Variants in ERC2 observed in about 807,000 individuals in gnomAD.
ERC2 encodes the protein ELKS/RAB6-interacting/CAST family member 2.
A neutral mutation model predicts 114.8 loss-of-function variants in ERC2; 42 were observed. The observed-to-expected ratio is 0.37, with a 90% CI of 0.29 to 0.47. The LOEUF (loss-of-function observed/expected upper bound fraction) is 0.47, where lower values mean the gene tolerates loss of function less well. Among genes scored for constraint, ERC2 ranks in the 20% least tolerant of loss-of-function variants. The pLI is 0.99. For synonymous variants in ERC2, 454 were observed against 425.5 expected (o/e 1.07, Z -0.82); for missense variants, 939 against 1,150.7 (o/e 0.82, Z 2.66).
intron 3 of ERC2, among the ~76,000 whole-genome samples, chr3:56,286,100 A>G (rs947135785): frequency 3.9e-5 from 6 of 152,314 alleles, no homozygotes; most frequent in East Asian, 1.9e-4. Flanking sequence ...GATCAAAACT[A>G]CAGATCTAAT....
intron 17 of ERC2, among the ~76,000 whole-genome samples, chr3:55,661,682 G>C (rs910438247): frequency 1.3e-5 from 2 of 152,176 alleles, no homozygotes; most frequent in African/African-American, 4.8e-5. Context: ...TCTTGGAAAG[G>C]CATCTTTAGA....
intron 17 of ERC2, among the ~76,000 whole-genome samples, chr3:55,619,986 T>G (rs1307403142): frequency 6.6e-6 from 1 of 152,190 alleles, no homozygotes; most frequent in Non-Finnish European, 1.5e-5. Context: ...TAAAGAAATT[T>G]CACTGACTTC....
At chr3:56,204,476 C>T (rs889758038) in intron 3 of ERC2, among the ~76,000 whole-genome samples, 1 of 132,926 alleles carries the variant, frequency 7.5e-6, no homozygotes, top group Middle Eastern at 3.6e-3. Flanking sequence ...TAATTAGATG[C>T]TTTTATTTTA....
intron 13 of ERC2, among the ~76,000 whole-genome samples, chr3:55,941,682 TA>T (rs1031562421): frequency 1.3e-5 from 2 of 152,246 alleles, no homozygotes; most frequent in Non-Finnish European, 2.9e-5. Context: ...TTGAATTTTC[TA>T]AAATATCCAC....
chr3:56,046,521 T>C (rs1043395667), intron 7 of ERC2, among the ~76,000 whole-genome samples: 1 of 152,212 alleles, frequency 6.6e-6, no homozygotes, highest in Admixed American at 6.5e-5. Context: ...CAGTTACTTA[T>C]GACAATCATA....
intron 3 of ERC2, among the ~76,000 whole-genome samples, chr3:56,211,655 C>G (rs1354541578): frequency 1.3e-5 from 2 of 151,914 alleles, no homozygotes; most frequent in African/African-American, 4.8e-5. Flanking sequence ...CAAGACTAAG[C>G]AAAAAGAACA....
intron 7 of ERC2, among the ~76,000 whole-genome samples, chr3:56,061,910 G>T (rs1446713678): frequency 1.3e-5 from 2 of 152,164 alleles, no homozygotes; most frequent in Non-Finnish European, 2.9e-5. Flanking sequence ...AAAATTAGCT[G>T]ATATACACGT....
chr3:55,942,543 C>A (rs1424650002), intron 13 of ERC2, among the ~76,000 whole-genome samples: 1 of 151,322 alleles, frequency 6.6e-6, no homozygotes, highest in African/African-American at 2.4e-5. Flanking sequence ...GTGATCCGCC[C>A]GCCTCGGCCT....
chr3:56,038,771 A>G (rs560946361), intron 7 of ERC2, among the ~76,000 whole-genome samples: 92 of 152,358 alleles, frequency 6.0e-4, no homozygotes, highest in African/African-American at 2.2e-3. Flanking sequence ...GAATAAGATC[A>G]TGTCCTTTGC....
chr3:55,514,360 C>T (rs997771993), intron 17 of ERC2, among the ~76,000 whole-genome samples: 3 of 152,098 alleles, frequency 2.0e-5, no homozygotes, highest in African/African-American at 7.2e-5. Context: ...TTGTGCCACT[C>T]CAGCCTGCCA....
chr3:56,425,555 T>A (rs1559484725), intron 2 of ERC2, among the ~76,000 whole-genome samples: 1 of 81,468 alleles, frequency 1.2e-5, no homozygotes, highest in African/African-American at 5.5e-5. Flanking sequence ...ACCCCGACCC[T>A]TTTTCTTTTT....
intron 7 of ERC2, among the ~76,000 whole-genome samples, chr3:56,032,909 A>G (rs866901799): frequency 2.3e-3 from 128 of 56,860 alleles, no homozygotes; most frequent in Middle Eastern, 6.4e-3. Context: ...GACAGAAAGA[A>G]AGAAAGAAAG....
chr3:55,568,055 C>T (rs1233988279), intron 17 of ERC2, among the ~76,000 whole-genome samples: 1 of 152,138 alleles, frequency 6.6e-6, no homozygotes, highest in East Asian at 1.9e-4. Flanking sequence ...CAGGGAGATG[C>T]TGTATATTAA....
At chr3:55,648,091 G>A (rs1192398757) in intron 17 of ERC2, among the ~76,000 whole-genome samples, 1 of 152,170 alleles carries the variant, frequency 6.6e-6, no homozygotes. Flanking sequence ...CTGAAGCTGG[G>A]GATAGGTTGG....
In ERC2 at chr3:56,085,216, G is replaced by A. The variant is rs571429578; in HGVS notation, c.1474-4232C>T. On this transcript the variant is annotated intron_variant, in intron 6 of 17. Coordinates refer to ENST00000288221, the MANE Select transcript of ERC2 (RefSeq NM_015576.3). ...CTTTTCTTGCTCCTTGCCAAGAAAGGGGTACCTAAGTTGTGTTTCTAAAGG... is the reference window on the plus strand; with the variant it reads ...CTTTTCTTGCTCCTTGCCAAGAAAGAGGTACCTAAGTTGTGTTTCTAAAGG... Among the ~76,000 whole-genome samples the A allele has an allele frequency of 1.2e-4, 19 of 152,316 alleles. No individual in the cohort carries two copies. The South Asian group carries it at 3.9e-3, about 32-fold the overall frequency.
At chr3:55,958,590 G>A (rs2068133659) in intron 12 of ERC2, among the ~76,000 whole-genome samples, 1 of 152,184 alleles carries the variant, frequency 6.6e-6, no homozygotes, top group Non-Finnish European at 1.5e-5. Context: ...TTCATGTAGA[G>A]GGGTGCCTGC....
intron 2 of ERC2, among the ~76,000 whole-genome samples, chr3:56,348,953 AAGG>A (rs2058439958): frequency 7.1e-6 from 1 of 141,800 alleles, no homozygotes; most frequent in Non-Finnish European, 1.6e-5. Flanking sequence ...GGAAGGAAGG[AAGG>A]AAAGAAAGAA....
intron 14 of ERC2, among the ~76,000 whole-genome samples, chr3:55,876,168 C>T (rs2062828596): frequency 6.6e-6 from 1 of 152,236 alleles, no homozygotes; most frequent in African/African-American, 2.4e-5. Context: ...TCTTCATTGA[C>T]ATGGATCCTT....
intron 8 of ERC2, among the ~76,000 whole-genome samples, chr3:56,018,174 A>G (rs2073438027): frequency 6.6e-6 from 1 of 152,076 alleles, no homozygotes; most frequent in Non-Finnish European, 1.5e-5. Flanking sequence ...ATTTTCATGC[A>G]TTTTCTCCTC....
Sources: allele counts gnomAD v4.1 joint callset (sites outside exome capture counted in the v4.1 genomes callset), GRCh38; gene constraint gnomAD v4.1.1; transcripts MANE v1.5; gene names NCBI Gene and HGNC (gene_info 2026-07-23, HGNC 2026-07-21).